Variants in HERC5 observed in about 807,000 individuals in gnomAD.
HERC5 encodes HECT and RLD domain containing E3 ubiquitin protein ligase 5, also known as E3 ISG15--protein ligase HERC5.
Under a neutral mutation model 119.6 loss-of-function variants are expected in HERC5, and 99 were observed. That is an observed-to-expected ratio of 0.83 (90% CI 0.70 to 0.98). The LOEUF is 0.98. Ranked by LOEUF, HERC5 falls within the 50% of genes least tolerant of loss-of-function variation. HERC5 has a pLI of 0.00. For synonymous variants in HERC5, 478 were observed against 445.9 expected (o/e 1.07, Z -0.91); for missense variants, 1,267 against 1,241.3 (o/e 1.02, Z -0.31).
At chr4:88,478,461 G>A (rs1239818698) in intron 12 of HERC5, among the ~76,000 whole-genome samples, 3 of 151,990 alleles carry the variant, frequency 2.0e-5, no homozygotes, top group Non-Finnish European at 4.4e-5. Flanking sequence ...ATGTGGAGAT[G>A]TAGGTCAAAG....
At chr4:88,469,342 AT>A in intron 9 of HERC5, 82 bp downstream of exon 9, 2 of 905,594 alleles carry the variant, frequency 2.2e-6, no homozygotes, top group Non-Finnish European at 3.6e-6. Flanking sequence ...GCAATATGAG[AT>A]TTTGTAGTCA....
At chr4:88,479,927 C>T (rs1463269164) in intron 13 of HERC5, among the ~76,000 whole-genome samples, 10 of 152,008 alleles carry the variant, frequency 6.6e-5, no homozygotes, top group African/African-American at 1.4e-4. Context: ...ATTAGCTGGG[C>T]GTGGTGGCGG....
intron 18 of HERC5, among the ~76,000 whole-genome samples, chr4:88,498,713 G>A (rs1470954705): frequency 6.6e-6 from 1 of 152,174 alleles, no homozygotes; most frequent in Non-Finnish European, 1.5e-5. Flanking sequence ...TGGAATTACT[G>A]GCACATGCCA....
At position 88,475,600 on chromosome 4, in the gene HERC5, A is replaced by G. The variant is rs572712097; in HGVS notation, c.1393-241A>G. The stretch of plus-strand genomic sequence containing the variant: ...CCAAAGTACTGGTTAGGTGTGCTTG[A>G]TCTCCTTCATGCACCCTGATAATTG... On this transcript the variant is annotated intron_variant, in intron 11 of 22. Transcript: ENST00000264350. Among the ~76,000 whole-genome samples the G allele has an allele frequency of 6.8e-4, 103 of 151,942 alleles. 1 individual carries two copies. The highest frequency in any genetic ancestry group is 1.1e-3 in the Non-Finnish European group (76 of 67,990).
intron 7 of HERC5, 109 bp downstream of exon 7, chr4:88,467,313 TC>T: frequency 9.0e-7 from 1 of 1,113,598 alleles, no homozygotes; most frequent in Non-Finnish European, 1.3e-6. Context: ...GAAGGGAGTT[TC>T]TCTAAATACT....
chr4:88,463,622 A>G lies in HERC5; in HGVS notation c.779A>G (p.Gln260Arg), dbSNP rs758301850. Residue 260 changes from glutamine (Q) to arginine (R), a missense_variant and splice_region_variant, in exon 5 of 23, where the codon CAG (glutamine) becomes CGG (arginine). This residue lies in a region of HERC5 where 777 missense variants were observed against 758.0 expected (regional missense o/e 1.03). Transcript: ENST00000264350. ...GGCTCTCACAGTGCCCTACTCACAC[A>G]GGTGGGTGTACCCTTGTCTCTTTTT... Reference protein sequence around the residue: ...CGGSHSALLTQDGLLFTFGAG... With the variant: ...CGGSHSALLTRDGLLFTFGAG... The G allele has an allele frequency of 7.4e-6, 12 of 1,611,450 alleles. No homozygotes were observed. Among genetic ancestry groups the G allele is most frequent in the Non-Finnish European group, 1.0e-5 (12 of 1,177,772 alleles).
At chr4:88,486,513 A>G (rs1026559322) in intron 14 of HERC5, among the ~76,000 whole-genome samples, 2 of 152,254 alleles carry the variant, frequency 1.3e-5, no homozygotes, top group Non-Finnish European at 2.9e-5. Context: ...TAAAGTGGTC[A>G]TAACAAGGCA....
rs1435765301 is a variant in HERC5, at chr4:88,460,080, A to C, written c.390-15A>C. ...CATTATGGTGATTAACACAAAGTGT[A>C]TTTTCCTTCATCAGGTTTGAAAGCA... On this transcript the variant is annotated splice_polypyrimidine_tract_variant and intron_variant, in intron 2 of 22. Coordinates refer to ENST00000264350, the MANE Select transcript of HERC5 (RefSeq NM_016323.4). The C allele has an allele frequency of 7.3e-7, 1 of 1,378,686 alleles. No individual in the cohort carries two copies. The highest frequency in any genetic ancestry group is 2.3e-5 in the East Asian group (1 of 43,394). The allele number at this position is 1,378,686 out of a possible 1,614,324, so 85.4% of individuals were successfully genotyped here.
At chr4:88,468,853 T>C (rs530704268) in intron 8 of HERC5, among the ~76,000 whole-genome samples, 1 of 152,362 alleles carries the variant, frequency 6.6e-6, no homozygotes, top group Non-Finnish European at 1.5e-5. Flanking sequence ...CACACAGCTC[T>C]TTCAGGATCT....
chr4:88,494,245 T>C lies in HERC5; in HGVS notation c.2358T>C (p.Leu786=), dbSNP rs6857425. ...LSLFNCNVAN[L]PFPLALFKKL... ...TGTTCAATTGCAATGTTGCCAACCTTCCTTTCCCACTGGCACTGTTTAAGA... is the reference window on the plus strand; with the variant it reads ...TGTTCAATTGCAATGTTGCCAACCTCCCTTTCCCACTGGCACTGTTTAAGA... Residue 786 remains leucine, a synonymous_variant, in exon 18 of 23, where the codon CTT becomes CTC. Transcript: ENST00000264350. The C allele has an allele frequency of 1, 1,608,920 of 1,613,510 alleles. 802,175 individuals are homozygous for C. The highest frequency in any genetic ancestry group is 1 in the East Asian group (44,808 of 44,808).
At chr4:88,457,583 G>C in intron 1 of HERC5, 49 bp downstream of exon 1, 5 of 1,235,440 alleles carry the variant, frequency 4.0e-6, no homozygotes, top group Non-Finnish European at 5.1e-6. Context: ...AGGGGTGAGG[G>C]CTGAGGGCTG....
At chr4:88,484,853 A>T (rs1428281045) in intron 13 of HERC5, among the ~76,000 whole-genome samples, 4 of 152,016 alleles carry the variant, frequency 2.6e-5, no homozygotes, top group African/African-American at 9.7e-5. Context: ...CTTTCATTTA[A>T]GTTTTTGACC....
intron 15 of HERC5, 26 bp downstream of exon 15, chr4:88,487,205 A>G (rs1344449859): frequency 7.8e-7 from 1 of 1,277,278 alleles, no homozygotes; most frequent in Non-Finnish European, 1.1e-6. Flanking sequence ...TGTCTTCATT[A>G]GCATAAATCA....
chr4:88,499,418 A>G (rs567359600), intron 18 of HERC5, among the ~76,000 whole-genome samples: 20 of 152,352 alleles, frequency 1.3e-4, no homozygotes, highest in Non-Finnish European at 2.5e-4. Context: ...TGTGACCTCT[A>G]TTCTCACAAA....
chr4:88,505,106 A>C (rs1386784470), intron 22 of HERC5, among the ~76,000 whole-genome samples: 2 of 152,184 alleles, frequency 1.3e-5, no homozygotes, highest in Non-Finnish European at 2.9e-5. Flanking sequence ...ATAGAAGCCC[A>C]ACCTACCTTT....
chr4:88,457,911 C>G, intron 1 of HERC5: 2 of 1,027,914 alleles, frequency 1.9e-6, no homozygotes, highest in Non-Finnish European at 2.3e-6. Context: ...AGTCACTGCT[C>G]CAACTTTGGG....
chr4:88,484,564 C>G (rs1741395670), intron 13 of HERC5, among the ~76,000 whole-genome samples: 1 of 152,200 alleles, frequency 6.6e-6, no homozygotes, highest in Admixed American at 6.5e-5. Flanking sequence ...TTCCCCAACT[C>G]AGCACCATTT....
chr4:88,504,406 A>G lies in HERC5; in HGVS notation c.2757A>G (p.Thr919=), dbSNP rs765560114. 2.3e-5 allele frequency: 36 copies of G among 1,599,730 alleles called. No individual in the cohort carries two copies. In the Middle Eastern group the frequency reaches 5.0e-4, roughly 22 times the overall value. The change falls in exon 21 of 23, where the codon ACA becomes ACG. Residue 919 remains threonine (T), a synonymous_variant. Transcript: ENST00000264350. ...IVGNTDYDWK[T]FEKNARYEPG... ...GAAATACAGATTATGATTGGAAAAC[A>G]TTTGAAAAGGTACATCATCAAGTCT... is the stretch of plus-strand genomic sequence containing the variant.
chr4:88,486,172 C>T lies in HERC5; in HGVS notation c.1795C>T (p.His599Tyr). ...ESIFQVDELL[H>Y]RLNFFVEVCR... is the part of the protein sequence containing the mutation. ...TATTTTCCAAGTAGACGAACTCTTG[C>T]ACCGTCTCAATTTTTTTGTAGAAGT... is the stretch of plus-strand genomic sequence containing the variant. The change falls in exon 14 of 23, where the codon CAC becomes TAC. Residue 599 changes from histidine (H) to tyrosine (Y), a missense_variant. Physicochemically the swap from His to Tyr is moderately conservative, Grantham distance 83. This residue lies in a region of HERC5 where 777 missense variants were observed against 758.0 expected (regional missense o/e 1.03). Coordinates refer to ENST00000264350, the MANE Select transcript of HERC5 (RefSeq NM_016323.4). 1 of 1,612,506 alleles carries T rather than the reference C, an allele frequency of 6.2e-7. No homozygotes were observed. Among genetic ancestry groups the T allele is most frequent in the South Asian group, 1.1e-5 (1 of 90,858 alleles).
Sources: allele counts gnomAD v4.1 joint callset (sites outside exome capture counted in the v4.1 genomes callset), GRCh38; gene constraint gnomAD v4.1.1; regional missense constraint gnomAD v4.1.1; transcripts MANE v1.5; gene names NCBI Gene and HGNC (gene_info 2026-07-23, HGNC 2026-07-21).